Variants in CARMIL1 observed in about 807,000 individuals in gnomAD.
CARMIL1 encodes the protein F-actin-uncapping protein LRRC16A.
Under a neutral mutation model 177.1 loss-of-function variants are expected in CARMIL1, and 90 were observed. That is an observed-to-expected ratio of 0.51 (90% CI 0.43 to 0.61). The LOEUF (loss-of-function observed/expected upper bound fraction) is 0.61, where lower values mean the gene tolerates loss of function less well. CARMIL1 is among the 20% of genes least tolerant of loss of function. The pLI is 0.00. For synonymous variants in CARMIL1, 577 were observed against 606.2 expected (o/e 0.95, Z 0.71); for missense variants, 1,380 against 1,667.0 (o/e 0.83, Z 3.00).
intron 1 of CARMIL1, among the ~76,000 whole-genome samples, chr6:25,284,440 T>A (rs1000270932): frequency 3.9e-5 from 6 of 152,330 alleles, no homozygotes; most frequent in African/African-American, 1.4e-4. Flanking sequence ...TCGGGCACGG[T>A]GGCTCATGCC....
At chr6:25,332,922 A>T (rs1410418575) in intron 2 of CARMIL1, among the ~76,000 whole-genome samples, 1 of 152,154 alleles carries the variant, frequency 6.6e-6, no homozygotes, top group East Asian at 1.9e-4. Context: ...GGCCACAGTG[A>T]TTAGTCCAGG....
intron 3 of CARMIL1, among the ~76,000 whole-genome samples, chr6:25,424,515 C>A (rs147152001): frequency 9.8e-5 from 15 of 152,314 alleles, no homozygotes; most frequent in Middle Eastern, 3.4e-3. Context: ...TACCTGCTCA[C>A]ACCTATTCAC....
intron 9 of CARMIL1, among the ~76,000 whole-genome samples, chr6:25,466,372 A>T (rs1045137766): frequency 2.6e-5 from 4 of 152,206 alleles, no homozygotes; most frequent in African/African-American, 9.6e-5. Context: ...GAGTAATGAT[A>T]GTTAATGTTG....
intron 2 of CARMIL1, chr6:25,350,752 C>G (rs1249828150): frequency 6.6e-6 from 1 of 152,194 alleles, no homozygotes; most frequent in East Asian, 1.9e-4. Context: ...AGTCAGCCAT[C>G]TGATTTTTGT....
At chr6:25,615,244 C>A (rs902804597) in intron 36 of CARMIL1, among the ~76,000 whole-genome samples, 1 of 152,120 alleles carries the variant, frequency 6.6e-6, no homozygotes, top group South Asian at 2.1e-4. Context: ...ACTAAAACAG[C>A]CTTATTTTCC....
intron 10 of CARMIL1, among the ~76,000 whole-genome samples, chr6:25,471,855 G>T (rs1286498036): frequency 6.6e-6 from 1 of 152,130 alleles, no homozygotes; most frequent in Non-Finnish European, 1.5e-5. Context: ...ACTGTTAAGA[G>T]CATAAGAGTT....
intron 2 of CARMIL1, among the ~76,000 whole-genome samples, chr6:25,336,758 GA>G (rs1331431625): frequency 6.6e-6 from 1 of 152,036 alleles, no homozygotes; most frequent in African/African-American, 2.4e-5. Context: ...TTGAATAAAT[GA>G]AACAAAAAAG....
At chr6:25,453,507 G>C (rs1799196248) in intron 8 of CARMIL1, among the ~76,000 whole-genome samples, 2 of 152,082 alleles carry the variant, frequency 1.3e-5, no homozygotes, top group Admixed American at 1.3e-4. Flanking sequence ...TTCTCATTCT[G>C]TTACACAGGA....
At chr6:25,533,881 T>C (rs1032452372) in intron 24 of CARMIL1, among the ~76,000 whole-genome samples, 6 of 152,166 alleles carry the variant, frequency 3.9e-5, no homozygotes, top group African/African-American at 1.4e-4. Context: ...TTTGGCCTTC[T>C]GAGATATCAG....
intron 2 of CARMIL1, among the ~76,000 whole-genome samples, chr6:25,317,710 C>T (rs1784386764): frequency 6.6e-6 from 1 of 151,714 alleles, no homozygotes; most frequent in African/African-American, 2.4e-5. Flanking sequence ...GCACTCACCA[C>T]CACACTGGGC....
At chr6:25,324,994 C>T (rs577637599) in intron 2 of CARMIL1, among the ~76,000 whole-genome samples, 1 of 152,106 alleles carries the variant, frequency 6.6e-6, no homozygotes, top group African/African-American at 2.4e-5. Flanking sequence ...CCTCTTAGGT[C>T]CTGAGCTTTC....
chr6:25,459,269 T>TCTTTTTCTTTCTTTCTTTCTTTCTTTC (rs56094712), intron 8 of CARMIL1, among the ~76,000 whole-genome samples: 6 of 118,166 alleles, frequency 5.1e-5, no homozygotes, highest in Non-Finnish European at 7.0e-5. Context: ...TTTCTTTCTT[T>TCTTTTTCTTTCTTTCTTTCTTTCTTTC]TTTTTTTTTT....
intron 2 of CARMIL1, among the ~76,000 whole-genome samples, chr6:25,406,531 G>T (rs1417136738): frequency 6.6e-6 from 1 of 152,206 alleles, no homozygotes; most frequent in Non-Finnish European, 1.5e-5. Context: ...GAAGGCTATT[G>T]CAAGTGGTCC....
intron 26 of CARMIL1, among the ~76,000 whole-genome samples, chr6:25,546,761 A>G (rs1220442561): frequency 6.6e-6 from 1 of 152,022 alleles, no homozygotes; most frequent in Non-Finnish European, 1.5e-5. Context: ...TTAAAATAGT[A>G]ACAGAGAGCC....
At chr6:25,564,798 C>T (rs549131186) in intron 29 of CARMIL1, among the ~76,000 whole-genome samples, 8 of 152,106 alleles carry the variant, frequency 5.3e-5, no homozygotes, top group African/African-American at 1.9e-4. Context: ...ATTGCTGTTA[C>T]ATATGGGCCT....
At chr6:25,437,183 G>T (rs1797307375) in intron 5 of CARMIL1, among the ~76,000 whole-genome samples, 1 of 152,068 alleles carries the variant, frequency 6.6e-6, no homozygotes. Context: ...TTTATAATGT[G>T]CTCGCTTTCC....
At chr6:25,366,204 C>T (rs1789777279) in intron 2 of CARMIL1, among the ~76,000 whole-genome samples, 1 of 151,974 alleles carries the variant, frequency 6.6e-6, no homozygotes, top group Non-Finnish European at 1.5e-5. Context: ...ACTGTGTTGC[C>T]CAGGCTGATC....
In CARMIL1 at chr6:25,451,440, T is replaced by C. The variant is rs528862942; in HGVS notation, c.614+729T>C. Among the ~76,000 whole-genome samples, 4 of 152,272 alleles carry C rather than the reference T, an allele frequency of 2.6e-5. No homozygotes were observed. In the South Asian group the frequency reaches 8.3e-4, roughly 32 times the overall value. ...ATTGGGCATTGGTAGGGTGTATATG[T>C]GTATGTTGGTGAAAATCAGTTTGCC... On this transcript the variant is annotated intron_variant, in intron 8 of 36. Coordinates refer to ENST00000329474, the MANE Select transcript of CARMIL1 (RefSeq NM_017640.6).
chr6:25,419,410 G>A (rs924331025), intron 2 of CARMIL1, among the ~76,000 whole-genome samples: 2 of 152,118 alleles, frequency 1.3e-5, no homozygotes, highest in African/African-American at 4.8e-5. Context: ...AAGCTTCATG[G>A]ATGTGGGATC....
Sources: allele counts gnomAD v4.1 joint callset (sites outside exome capture counted in the v4.1 genomes callset), GRCh38; gene constraint gnomAD v4.1.1; transcripts MANE v1.5; gene names NCBI Gene and HGNC (gene_info 2026-07-23, HGNC 2026-07-21).